The following PIAS1 variants were observed in gnomAD, a reference collection of about 807,000 sequenced individuals.
PIAS1 encodes the protein protein inhibitor of activated STAT 1.
In PIAS1, 6 loss-of-function variants were observed where a neutral mutation model predicts 71.3. The observed-to-expected ratio is 0.08, with a 90% CI of 0.05 to 0.17. The LOEUF is 0.17. PIAS1 is among the 10% of genes least tolerant of loss of function. The probability of loss-of-function intolerance (pLI) is 1.00; values close to 1 mark genes in which losing one functional copy is unlikely to be tolerated. For synonymous variants in PIAS1, 303 were observed against 292.9 expected (o/e 1.03, Z -0.35); for missense variants, 555 against 793.6 (o/e 0.70, Z 3.61).
intron 2 of PIAS1, among the ~76,000 whole-genome samples, chr15:68,110,753 G>T (rs377370584): frequency 6.6e-6 from 1 of 152,004 alleles, no homozygotes; most frequent in Non-Finnish European, 1.5e-5. Context: ...AAAAAAAAAG[G>T]TATTTATTCT....
intron 1 of PIAS1, among the ~76,000 whole-genome samples, chr15:68,073,277 G>A (rs1340315392): frequency 2.0e-5 from 3 of 152,080 alleles, no homozygotes; most frequent in South Asian, 2.1e-4. Flanking sequence ...TCGGCCTCCC[G>A]AAGTGCTGGG....
Position 68,090,927 on chromosome 15 carries a change from G to GGTGTGTTTGT in PIAS1, c.469+4183_469+4184insTTGTGTGTGT, listed in dbSNP as rs1555425136. Reference sequence around the variant, plus strand: ...GTATTCTTTTTGTTAGTCATTTACGGGTGTGTGTGTGTGTGTGTGTGTGTG... The same window carrying GGTGTGTTTGT: ...GTATTCTTTTTGTTAGTCATTTACGGGTGTGTTTGTGTGTGTGTGTGTGTGTGTGTGTGTG... On this transcript the variant is annotated intron_variant, in intron 2 of 13. Transcript: ENST00000249636. 2.1e-4 allele frequency among the ~76,000 whole-genome samples: 30 copies of GGTGTGTTTGT among 142,856 alleles called. No homozygotes were observed. The East Asian group carries it at 3.5e-3, about 17-fold the overall frequency. 93.7% of individuals were successfully genotyped at this position (142,856 alleles called of 152,430 possible).
rs544263647 is a variant in PIAS1, at chr15:68,167,840, G to C, written c.1008+3036G>C. On this transcript the variant is annotated intron_variant, in intron 8 of 13. Transcript: ENST00000249636. This position sits in a 1 kb window ranked among gnomAD's most constrained non-coding sequence, Gnocchi z 4.4. ...TCTGCTTCAGCCTCCCAAGTAGCTA[G>C]AACTACAGGTGCACGCCACCACGCC... 1.9e-4 allele frequency among the ~76,000 whole-genome samples: 29 copies of C among 152,124 alleles called. No individual in the cohort carries two copies. Among genetic ancestry groups the C allele is most frequent in the African/African-American group, 6.5e-4 (27 of 41,482 alleles).
At chr15:68,127,842 A>G (rs2092661860) in intron 2 of PIAS1, among the ~76,000 whole-genome samples, 1 of 152,078 alleles carries the variant, frequency 6.6e-6, no homozygotes, top group Non-Finnish European at 1.5e-5. Context: ...AGCTCGCTGC[A>G]ACCTCCTCCT....
intron 13 of PIAS1, chr15:68,184,532 G>A (rs369963132): frequency 1.3e-5 from 2 of 152,210 alleles, no homozygotes; most frequent in East Asian, 1.9e-4. Context: ...CCCAACTACA[G>A]TGTTAAATGT....
intron 11 of PIAS1, among the ~76,000 whole-genome samples, chr15:68,179,351 A>T (rs1488157216): frequency 6.6e-6 from 1 of 152,092 alleles, no homozygotes; most frequent in Non-Finnish European, 1.5e-5. Flanking sequence ...CCTCTCTTAT[A>T]ATCTCTTAGA....
In PIAS1 at chr15:68,054,356, G is replaced by C. The variant is rs763968532; in HGVS notation, c.24+6G>C. The C allele has an allele frequency of 9.5e-6, 15 of 1,574,232 alleles. No individual in the cohort carries two copies. Among genetic ancestry groups the C allele is most frequent in the South Asian group, 2.3e-5 (2 of 85,702 alleles). Reference sequence around the variant, plus strand: ...CGGACAGTGCGGAACTAAAGGTAAAGCGCAGCTCGAATTCACTTCTAATAT... The same window carrying C: ...CGGACAGTGCGGAACTAAAGGTAAACCGCAGCTCGAATTCACTTCTAATAT... On this transcript the variant is annotated splice_donor_region_variant and intron_variant, in intron 1 of 13. Coordinates refer to ENST00000249636, the MANE Select transcript of PIAS1 (RefSeq NM_016166.3). This position sits in a 1 kb window ranked among gnomAD's most constrained non-coding sequence, Gnocchi z 4.6.
rs1437190610 is a variant in PIAS1, at chr15:68,193,036, T to A, written c.*5201T>A. ...GATGGACTCCCAGAAAGCCTAGTGC[T>A]CCTACTACTGTTTTCCAGGGCTGTT... On this transcript the variant is annotated 3_prime_UTR_variant, in exon 14 of 14. Transcript: ENST00000249636. The A allele has an allele frequency of 6.6e-6, 1 of 152,258 alleles. No homozygotes were observed. Among genetic ancestry groups the A allele is most frequent in the African/African-American group, 2.4e-5 (1 of 41,446 alleles). 9.4% of individuals were successfully genotyped at this position (152,258 alleles called of 1,614,324 possible).
chr15:68,065,915 CTTTTTTTTTTTT>C (rs869104577), intron 1 of PIAS1, among the ~76,000 whole-genome samples: 27 of 40,174 alleles, frequency 6.7e-4, no homozygotes, highest in African/African-American at 1.1e-3. Flanking sequence ...TGACTAAAAG[CTTTTTTTTTTTT>C]TTTTTTTTTT....
At chr15:68,119,369 C>G (rs1428276136) in intron 2 of PIAS1, among the ~76,000 whole-genome samples, 1 of 150,996 alleles carries the variant, frequency 6.6e-6, no homozygotes, top group African/African-American at 2.4e-5. Context: ...TGCTTGAACC[C>G]GGGAGGCTGA....
chr15:68,110,550 C>T (rs532655247), intron 2 of PIAS1, among the ~76,000 whole-genome samples: 4 of 152,038 alleles, frequency 2.6e-5, no homozygotes, highest in South Asian at 2.1e-4. Flanking sequence ...GAGGCAAGAT[C>T]GCACCATTGC....
intron 2 of PIAS1, among the ~76,000 whole-genome samples, chr15:68,120,429 C>G (rs1339802324): frequency 1.3e-5 from 2 of 151,910 alleles, no homozygotes; most frequent in Admixed American, 1.3e-4. Context: ...TATGCCTTCT[C>G]TAGGATGATT....
intron 1 of PIAS1, chr15:68,055,689 A>G (rs962800938): frequency 4.7e-6 from 2 of 422,766 alleles, no homozygotes; most frequent in African/African-American, 4.1e-5. Context: ...CATCTCTGTC[A>G]GAGAGGAGAT....
chr15:68,101,518 C>A (rs2140999089), intron 2 of PIAS1, among the ~76,000 whole-genome samples: 1 of 152,142 alleles, frequency 6.6e-6, no homozygotes, highest in African/African-American at 2.4e-5. Context: ...AGTGCAGTGG[C>A]TGTTCACAAG....
At chr15:68,142,265 G>GT in intron 3 of PIAS1, 25 bp from the exon 4 acceptor site, 2 of 1,578,368 alleles carry the variant, frequency 1.3e-6, no homozygotes, top group Non-Finnish European at 1.7e-6. Context: ...AAAAGTAATT[G>GT]TAATTCCTAT....
chr15:68,087,655 G>T (rs1315023807), intron 2 of PIAS1, among the ~76,000 whole-genome samples: 1 of 152,154 alleles, frequency 6.6e-6, no homozygotes, highest in Non-Finnish European at 1.5e-5. Context: ...ATGTGTGCCT[G>T]TAAAGCACAA....
intron 7 of PIAS1, chr15:68,154,034 A>G (rs774776516): frequency 5.1e-6 from 1 of 194,602 alleles, no homozygotes; most frequent in South Asian, 8.8e-5. Flanking sequence ...AAAAATGTAC[A>G]GAATTATATC....
intron 2 of PIAS1, among the ~76,000 whole-genome samples, chr15:68,133,446 GAT>G: frequency 6.6e-6 from 1 of 151,948 alleles, no homozygotes; most frequent in East Asian, 1.9e-4. Context: ...AAAAAAAATG[GAT>G]AGAGAAAAAC....
At chr15:68,182,384 C>T (rs1377962353) in intron 12 of PIAS1, among the ~76,000 whole-genome samples, 1 of 148,652 alleles carries the variant, frequency 6.7e-6, no homozygotes, top group Non-Finnish European at 1.5e-5. Flanking sequence ...GAAAGTTTCC[C>T]TCTACCTATC....
Sources: gnomAD v4.1 joint callset for allele counts (sites outside exome capture counted in the v4.1 genomes callset) on GRCh38, gnomAD v4.1.1 for gene constraint, Gnocchi (gnomAD v3.1) non-coding constraint, MANE v1.5 for transcripts, NCBI Gene and HGNC (gene_info 2026-07-23, HGNC 2026-07-21) for gene names.